LIG1: variants seen among roughly 807,000 people sequenced by gnomAD.
LIG1 encodes the protein DNA ligase 1, also known as ligase I, DNA, ATP-dependent.
LIG1 carries 70 observed loss-of-function variants against 115.7 expected under a neutral mutation model. That is an observed-to-expected ratio of 0.60 (90% CI 0.50 to 0.74). The LOEUF (loss-of-function observed/expected upper bound fraction) is 0.74, where lower values mean the gene tolerates loss of function less well. LIG1 is among the 30% of genes least tolerant of loss of function. The pLI, the probability that LIG1 is intolerant of heterozygous loss-of-function variation, is 0.00. For missense variants in LIG1, 1,115 were observed against 1,225.6 expected, an observed-to-expected ratio of 0.91 and a Z score of 1.35; for synonymous variants, 487 against 495.3, an observed-to-expected ratio of 0.98 and a Z score of 0.22.
chr19:48,137,155 G>A lies in LIG1; in HGVS notation c.1255-71C>T. 2.3e-6 allele frequency: 3 copies of A among 1,285,634 alleles called. No homozygotes were observed. Among genetic ancestry groups the A allele is most frequent in the Non-Finnish European group, 3.3e-6 (3 of 897,402 alleles). 79.6% of individuals were successfully genotyped at this position (1,285,634 alleles called of 1,614,324 possible). ...ACCACACCTCCACCCCACCAGCCGT[G>A]CTGCTGCCCTGCATTTTGGAATACC... On this transcript the variant is annotated intron_variant, in intron 13 of 27. Transcript: ENST00000263274. This position sits in a 1 kb window ranked among gnomAD's most constrained non-coding sequence, Gnocchi z 4.3.
In LIG1 at chr19:48,136,036, T is replaced by C; in HGVS notation, c.1421A>G (p.Gln474Arg). The C allele has an allele frequency of 6.4e-7, 1 of 1,561,814 alleles. No homozygotes were observed. The highest frequency in any genetic ancestry group is 8.7e-7 in the Non-Finnish European group (1 of 1,153,710). Residue 474 changes from glutamine (Q) to arginine (R), a missense_variant and splice_region_variant, in exon 15 of 28, where the codon CAA (glutamine) becomes CGA (arginine). Gln to Arg is a conservative substitution (Grantham distance 43). Coordinates refer to ENST00000263274, the MANE Select transcript of LIG1 (RefSeq NM_000234.3). ...SQAVSLTPPG[Q>R]EFPPAMVDAG... ...AGAGACGGGCCACAGGAGCTCACCT[T>C]GGCCCGGGGGCGTGAGGCTCACTGC...
intron 6 of LIG1, among the ~76,000 whole-genome samples, chr19:48,153,272 ACTACT>A (rs1261576568): frequency 6.6e-6 from 1 of 151,902 alleles, no homozygotes; most frequent in Non-Finnish European, 1.5e-5. Flanking sequence ...TTTGGACATA[ACTACT>A]TAATAGAACT....
chr19:48,140,302 A>G (rs1469183313), intron 11 of LIG1, among the ~76,000 whole-genome samples, 159 bp from the exon 12 acceptor site: 1 of 152,192 alleles, frequency 6.6e-6, no homozygotes, highest in Non-Finnish European at 1.5e-5. Context: ...AGCCATGAGG[A>G]CAATCACAGA....
chr19:48,157,274 G>C, intron 4 of LIG1, 134 bp from the exon 5 acceptor site: 1 of 991,932 alleles, frequency 1.0e-6, no homozygotes, highest in Non-Finnish European at 1.4e-6. Flanking sequence ...CCCTAACTCA[G>C]GGGTGGCCTC....
At chr19:48,142,989 G>A (rs2034872280) in intron 11 of LIG1, among the ~76,000 whole-genome samples, 1 of 152,186 alleles carries the variant, frequency 6.6e-6, no homozygotes, top group African/African-American at 2.4e-5. Flanking sequence ...CGAGTGCTGG[G>A]GGTGAGGAGG....
chr19:48,134,051 C>T lies in LIG1; in HGVS notation c.1539G>A (p.Leu513=). ...CCAGCAGCACGGGGATAATTCGGTC[C>T]AGGTCGGGAACCTCGCTGGGGTGGC... is the stretch of plus-strand genomic sequence containing the variant. ...LKQTFCEVPD[L]DRIIPVLLEH... The change falls in exon 17 of 28, where the codon CTG becomes CTA. Residue 513 remains leucine (L), a synonymous_variant. Transcript: ENST00000263274. The T allele has an allele frequency of 6.4e-7, 1 of 1,556,690 alleles. No homozygotes were observed.
intron 4 of LIG1, among the ~76,000 whole-genome samples, chr19:48,157,661 C>G (rs760795116): frequency 6.6e-6 from 1 of 152,184 alleles, no homozygotes; most frequent in Non-Finnish European, 1.5e-5. Flanking sequence ...TCTCCTGCCT[C>G]AGCCTCCCGA....
At chr19:48,127,130 A>G in intron 21 of LIG1, 147 bp downstream of exon 21, 2 of 723,020 alleles carry the variant, frequency 2.8e-6, no homozygotes, top group Admixed American at 3.9e-5. Flanking sequence ...GGGTCCTCAG[A>G]CCACACTTTG....
Position 48,150,165 on chromosome 19 carries a change from G to T in LIG1, c.620C>A (p.Thr207Lys). 1 of 1,614,184 alleles carries T rather than the reference G, an allele frequency of 6.2e-7. No individual in the cohort carries two copies. Among genetic ancestry groups the T allele is most frequent in the Non-Finnish European group, 8.5e-7 (1 of 1,180,048 alleles). The change falls in exon 8 of 28, where the codon ACG becomes AAG. Residue 207 changes from threonine (T) to lysine (K), a missense_variant. Physicochemically the swap from Thr to Lys is moderately conservative, Grantham distance 78. Coordinates refer to ENST00000263274, the MANE Select transcript of LIG1 (RefSeq NM_000234.3). ...TESVSEPEVA[T>K]KQELQEEEEQ... is the part of the protein sequence containing the mutation. Reference sequence around the variant, plus strand: ...TTCCTCCTCCTGCAGTTCCTGCTTCGTGGCCACCTCAGGCTCTGAAACGCT... The same window carrying T: ...TTCCTCCTCCTGCAGTTCCTGCTTCTTGGCCACCTCAGGCTCTGAAACGCT...
intron 25 of LIG1, chr19:48,118,016 A>G: frequency 1.7e-6 from 1 of 577,114 alleles, no homozygotes; most frequent in Non-Finnish European, 3.1e-6. Flanking sequence ...CTTGAAGTAA[A>G]AAGTTGAGAA....
rs111592380 is a variant in LIG1, at chr19:48,145,434, C to T, written c.777-1471G>A. 4.3e-3 allele frequency among the ~76,000 whole-genome samples: 653 copies of T among 152,270 alleles called. 10 individuals are homozygous for T. Among genetic ancestry groups the T allele is most frequent in the African/African-American group, 0.015 (609 of 41,542 alleles). The stretch of plus-strand genomic sequence containing the variant: ...AGGGTTCCCACTCCTGGGTGCACTT[C>T]ATGGAACAATGAGGACTCCCCAGCC... On this transcript the variant is annotated intron_variant, in intron 9 of 27. Transcript: ENST00000263274.
chr19:48,165,187 A>T (rs2036410735), intron 2 of LIG1, among the ~76,000 whole-genome samples: 1 of 151,980 alleles, frequency 6.6e-6, no homozygotes. Context: ...TGAACTCATG[A>T]GGCGGAGGTT....
chr19:48,143,638 A>T (rs1284214288), intron 10 of LIG1, 39 bp from the exon 11 acceptor site: 1 of 1,558,254 alleles, frequency 6.4e-7, no homozygotes. Flanking sequence ...ACAGTGGTGC[A>T]GGCTATACCA....
intron 1 of LIG1, chr19:48,169,633 C>T (rs1007757254): frequency 6.2e-6 from 1 of 161,738 alleles, no homozygotes; most frequent in African/African-American, 2.4e-5. Flanking sequence ...ACCCATCTCC[C>T]TCCAGTAGGG....
Position 48,162,300 on chromosome 19 carries a change from CTCCTTCTCA to C in LIG1, c.60_68del (p.Glu21_Glu23del). 1 of 1,614,136 alleles carries C rather than the reference CTCCTTCTCA, an allele frequency of 6.2e-7. No homozygotes were observed. Among genetic ancestry groups the C allele is most frequent in the Non-Finnish European group, 8.5e-7 (1 of 1,180,024 alleles). On this transcript the variant is annotated inframe_deletion, in exon 3 of 28. Coordinates refer to ENST00000263274, the MANE Select transcript of LIG1 (RefSeq NM_000234.3). ...CCGTCTCTCTGCTGCTATTGGATGC[CTCCTTCTCA>C]GGCTTCTTTGCTTTACCCTCTTTCT...
At position 48,162,359 on chromosome 19, in the gene LIG1, A is replaced by G. The variant is rs1437520088; in HGVS notation, c.18-8T>C. On this transcript the variant is annotated splice_region_variant and splice_polypyrimidine_tract_variant and intron_variant, in intron 2 of 27. Transcript: ENST00000263274. ...TTGGGGTGGAAAAATGACCTAGAGG[A>G]GCATAAAAGGGGGTAAAAAAAGGAG... The G allele has an allele frequency of 6.2e-7, 1 of 1,608,132 alleles. No homozygotes were observed. The highest frequency in any genetic ancestry group is 8.5e-7 in the Non-Finnish European group (1 of 1,175,302).
At chr19:48,157,860 T>A (rs2035948563) in intron 4 of LIG1, among the ~76,000 whole-genome samples, 1 of 152,064 alleles carries the variant, frequency 6.6e-6, no homozygotes, top group African/African-American at 2.4e-5. Context: ...CTCCATACAG[T>A]TTAGATGTTT....
At chr19:48,157,897 T>C (rs2035950955) in intron 4 of LIG1, among the ~76,000 whole-genome samples, 1 of 152,160 alleles carries the variant, frequency 6.6e-6, no homozygotes, top group African/African-American at 2.4e-5. Flanking sequence ...ATGTTGCAAT[T>C]TGGTCTCCAA....
intron 17 of LIG1, among the ~76,000 whole-genome samples, chr19:48,133,720 C>T (rs562048723): frequency 3.9e-4 from 59 of 152,286 alleles, no homozygotes; most frequent in African/African-American, 1.4e-3. Context: ...CTCAGCCTCC[C>T]GAGTAGCTGG....
Sources: gnomAD v4.1 joint callset for allele counts (sites outside exome capture counted in the v4.1 genomes callset) on GRCh38, gnomAD v4.1.1 for gene constraint, Gnocchi (gnomAD v3.1) non-coding constraint, MANE v1.5 for transcripts, NCBI Gene and HGNC (gene_info 2026-07-23, HGNC 2026-07-21) for gene names.